The following ETV6 variants were observed in gnomAD, a reference collection of about 807,000 sequenced individuals.
The protein encoded by ETV6 is ETS variant transcription factor 6, also known as transcription factor ETV6.
In ETV6, 16 loss-of-function variants were observed where a neutral mutation model predicts 51.1. The observed-to-expected ratio is 0.31, with a 90% CI of 0.21 to 0.48. ETV6 has a LOEUF of 0.48. ETV6 is among the 20% of genes least tolerant of loss of function. The probability of loss-of-function intolerance (pLI) is 0.99; values close to 1 mark genes in which losing one functional copy is unlikely to be tolerated. For missense variants in ETV6, 458 were observed against 594.8 expected (o/e 0.77, Z 2.39); for synonymous variants, 240 against 224.1 (o/e 1.07, Z -0.64).
At chr12:11,848,477 A>G (rs1175831309) in intron 3 of ETV6, among the ~76,000 whole-genome samples, 3 of 152,222 alleles carry the variant, frequency 2.0e-5, no homozygotes, top group East Asian at 1.9e-4. Context: ...TCACAGCAGT[A>G]TTGTTCACTC....
chr12:11,724,519 C>G (rs1865452446), intron 1 of ETV6, among the ~76,000 whole-genome samples: 2 of 152,082 alleles, frequency 1.3e-5, no homozygotes, highest in African/African-American at 4.8e-5. Context: ...TGAAAGTCTA[C>G]TATATGCCGG....
intron 1 of ETV6, among the ~76,000 whole-genome samples, chr12:11,710,652 C>T (rs912964575): frequency 1.3e-5 from 2 of 150,490 alleles, no homozygotes; most frequent in African/African-American, 2.4e-5. Flanking sequence ...TATTATAGTG[C>T]GCCTATTGCC....
chr12:11,734,226 C>CAT (rs1359435538), intron 1 of ETV6, among the ~76,000 whole-genome samples: 5 of 152,144 alleles, frequency 3.3e-5, no homozygotes, highest in African/African-American at 1.2e-4. Flanking sequence ...TGTACATGAA[C>CAT]ATCGTATCTT....
intron 5 of ETV6, among the ~76,000 whole-genome samples, chr12:11,881,474 TG>T (rs1947092651): frequency 6.6e-6 from 1 of 152,176 alleles, no homozygotes; most frequent in African/African-American, 2.4e-5. Flanking sequence ...TTCTGGGGGC[TG>T]GGGAGATCAA....
At chr12:11,733,280 T>C (rs1591637933) in intron 1 of ETV6, among the ~76,000 whole-genome samples, 1 of 151,752 alleles carries the variant, frequency 6.6e-6, no homozygotes, top group Admixed American at 6.6e-5. Flanking sequence ...TGGTGGCAGG[T>C]GCCTGTAGTC....
At chr12:11,773,368 A>G (rs886737230) in intron 2 of ETV6, among the ~76,000 whole-genome samples, 5 of 152,062 alleles carry the variant, frequency 3.3e-5, no homozygotes, top group African/African-American at 1.2e-4. Flanking sequence ...TCTCAACTAC[A>G]GTGAGACTGA....
intron 2 of ETV6, among the ~76,000 whole-genome samples, chr12:11,814,260 G>A (rs1945958474): frequency 6.6e-6 from 1 of 152,128 alleles, no homozygotes; most frequent in Admixed American, 6.5e-5. Context: ...TCTTGTTTTA[G>A]AAAGTCCAAG....
chr12:11,822,536 C>A (rs542286018), intron 2 of ETV6, among the ~76,000 whole-genome samples: 1 of 152,076 alleles, frequency 6.6e-6, no homozygotes, highest in Non-Finnish European at 1.5e-5. Context: ...GTTATAAAAC[C>A]GGAAGAGTGT....
At chr12:11,733,963 A>G (rs1276167093) in intron 1 of ETV6, among the ~76,000 whole-genome samples, 1 of 152,212 alleles carries the variant, frequency 6.6e-6, no homozygotes, top group East Asian at 1.9e-4. Flanking sequence ...TTCCCTTGAG[A>G]AAACATGGAT....
At chr12:11,749,443 C>T (rs1249100957) in intron 1 of ETV6, among the ~76,000 whole-genome samples, 1 of 152,120 alleles carries the variant, frequency 6.6e-6, no homozygotes, top group Non-Finnish European at 1.5e-5. Flanking sequence ...ACCACCACCC[C>T]CTCCTTTGTT....
At chr12:11,761,072 C>G (rs927238630) in intron 2 of ETV6, among the ~76,000 whole-genome samples, 1 of 152,038 alleles carries the variant, frequency 6.6e-6, no homozygotes, top group African/African-American at 2.4e-5. Flanking sequence ...AGTGGAGGAG[C>G]CCCAATTTGA....
chr12:11,874,649 CAT>C (rs1491464290), intron 5 of ETV6, among the ~76,000 whole-genome samples: 2,183 of 4,020 alleles, frequency 0.54, 939 homozygotes, highest in African/African-American at 0.65. Context: ...TGTATATACA[CAT>C]ATGTGTGTAT....
chr12:11,650,505 A>AAC (rs1863883232), intron 1 of ETV6, among the ~76,000 whole-genome samples: 4 of 19,398 alleles, frequency 2.1e-4, no homozygotes, highest in South Asian at 5.2e-3. Flanking sequence ...ACAAAAAACA[A>AAC]AAAAAAAAAA....
intron 1 of ETV6, among the ~76,000 whole-genome samples, chr12:11,678,856 G>A (rs1402788935): frequency 6.6e-6 from 1 of 152,050 alleles, no homozygotes; most frequent in Non-Finnish European, 1.5e-5. Context: ...CTGTGAGGCA[G>A]GGGAAAAAAA....
chr12:11,756,549 G>A lies in ETV6; in HGVS notation c.163+3970G>A, dbSNP rs183183985. 3.3e-5 allele frequency among the ~76,000 whole-genome samples: 5 copies of A among 152,286 alleles called. No homozygotes were observed. The East Asian group carries it at 7.7e-4, about 24-fold the overall frequency. On this transcript the variant is annotated intron_variant, in intron 2 of 7. Transcript: ENST00000396373. Reference sequence around the variant, plus strand: ...AGCTTGAAAACACTTGAAAGACCAAGGACCCCCAAGGGTGCCCAGGCAAGG... The same window carrying A: ...AGCTTGAAAACACTTGAAAGACCAAAGACCCCCAAGGGTGCCCAGGCAAGG...
At chr12:11,733,647 G>A (rs149130049) in intron 1 of ETV6, among the ~76,000 whole-genome samples, 220 of 152,166 alleles carry the variant, frequency 1.4e-3, no homozygotes, top group African/African-American at 4.8e-3. Context: ...TGCTTCCCCG[G>A]AATATTTATG....
chr12:11,871,036 A>G (rs1178699993), intron 5 of ETV6, among the ~76,000 whole-genome samples: 7 of 152,096 alleles, frequency 4.6e-5, no homozygotes, highest in Admixed American at 4.6e-4. Flanking sequence ...TGGAGGCAGG[A>G]GAGAACGGAC....
intron 2 of ETV6, among the ~76,000 whole-genome samples, chr12:11,799,147 A>G (rs1354281371): frequency 3.3e-5 from 5 of 152,136 alleles, no homozygotes; most frequent in Non-Finnish European, 7.4e-5. Flanking sequence ...GGGGAGAGGA[A>G]GAAGAGGAGA....
intron 5 of ETV6, among the ~76,000 whole-genome samples, chr12:11,878,273 T>C (rs1190717950): frequency 6.6e-6 from 1 of 152,196 alleles, no homozygotes; most frequent in Non-Finnish European, 1.5e-5. Flanking sequence ...TTCAGGACAA[T>C]GTTTTTAAAA....
Sources: gnomAD v4.1 joint callset for allele counts (sites outside exome capture counted in the v4.1 genomes callset) on GRCh38, gnomAD v4.1.1 for gene constraint, MANE v1.5 for transcripts, NCBI Gene and HGNC (gene_info 2026-07-23, HGNC 2026-07-21) for gene names.